ZBED6: variants seen among roughly 807,000 people sequenced by gnomAD.
ZBED6 encodes the protein zinc finger BED-type containing 6.
In ZBED6, 40 loss-of-function variants were observed where a neutral mutation model predicts 58.4. The ratio of observed to expected loss-of-function variants is 0.68; its 90% CI spans 0.53 to 0.89. The LOEUF (loss-of-function observed/expected upper bound fraction) is 0.89, where lower values mean the gene tolerates loss of function less well. Among genes scored for constraint, ZBED6 ranks in the 40% least tolerant of loss-of-function variants. The pLI is 0.00. For missense variants in ZBED6, 1,057 were observed against 1,003.9 expected (o/e 1.05, Z -0.71); for synonymous variants, 439 against 350.6 (o/e 1.25, Z -2.82).
At chr1:203,807,602 C>T (rs938586517) in intron 1 of ZBED6, among the ~76,000 whole-genome samples, 27 of 151,216 alleles carry the variant, frequency 1.8e-4, no homozygotes, top group Non-Finnish European at 4.0e-4. Flanking sequence ...TCATAGCTCA[C>T]TGCAGTCTCA....
intron 14 of ZBED6, 38 bp from the exon 15 acceptor site, chr1:203,850,477 A>C (rs187307997): frequency 1.2e-6 from 2 of 1,612,018 alleles, no homozygotes; most frequent in Non-Finnish European, 1.7e-6. Context: ...AAAAGAGTCT[A>C]TTCTCACTGC....
chr1:203,809,172 G>GTTTT lies in ZBED6; in HGVS notation c.*2554+6174_*2554+6177dup, dbSNP rs33926996. On this transcript the variant is annotated intron_variant, in intron 1 of 16. Transcript: ENST00000550078. ...TTTGAAGCTTTGTTTTCTTCTCACT[G>GTTTT]TTTTTTTTTTTTTTTTTTTTTGAGA... Among the ~76,000 whole-genome samples the GTTTT allele has an allele frequency of 4.9e-3, 409 of 83,242 alleles. 19 individuals are homozygous for GTTTT. The highest frequency in any genetic ancestry group is 0.026 in the East Asian group (64 of 2,496). The allele number at this position is 83,242 out of a possible 152,430, so 54.6% of individuals were successfully genotyped here.
At chr1:203,832,959 C>T (rs545231016) in intron 8 of ZBED6, among the ~76,000 whole-genome samples, 3 of 152,274 alleles carry the variant, frequency 2.0e-5, no homozygotes, top group South Asian at 2.1e-4. Flanking sequence ...CTAGGCTGTG[C>T]GCAGTGGCTT....
intron 3 of ZBED6, among the ~76,000 whole-genome samples, chr1:203,823,187 A>G (rs1484057979): frequency 1.3e-5 from 2 of 152,160 alleles, no homozygotes; most frequent in African/African-American, 4.8e-5. Flanking sequence ...ATTCTCTAGG[A>G]TGTATTCAGA....
chr1:203,828,196 C>T (rs1202265880), intron 3 of ZBED6, 103 bp from the exon 4 acceptor site: 3 of 1,384,316 alleles, frequency 2.2e-6, no homozygotes, highest in East Asian at 2.4e-5. Flanking sequence ...TCACATGCCT[C>T]GGATTTTTGA....
At chr1:203,826,508 A>C (rs773895076) in intron 3 of ZBED6, among the ~76,000 whole-genome samples, 4 of 152,154 alleles carry the variant, frequency 2.6e-5, no homozygotes, top group Non-Finnish European at 5.9e-5. Flanking sequence ...GAGCAAATTT[A>C]CATTTCCATT....
chr1:203,828,399 G>C, exon 4 of ZBED6: 3 of 1,613,308 alleles, frequency 1.9e-6, no homozygotes, highest in Non-Finnish European at 2.5e-6. Context: ...TATGTTGATG[G>C]CCTTTTCCTA....
chr1:203,842,504 A>G (rs1314923501), intron 11 of ZBED6, among the ~76,000 whole-genome samples: 2 of 150,298 alleles, frequency 1.3e-5, no homozygotes, highest in Non-Finnish European at 3.0e-5. Context: ...AGGCTGAGGC[A>G]GGAGAATCAG....
At chr1:203,805,360 T>G (rs1671970050) in intron 1 of ZBED6, among the ~76,000 whole-genome samples, 1 of 152,074 alleles carries the variant, frequency 6.6e-6, no homozygotes, top group Non-Finnish European at 1.5e-5. Context: ...CTCGAACTTC[T>G]GACCTTGTGA....
At chr1:203,847,104 T>C in intron 11 of ZBED6, 80 bp from the exon 12 acceptor site, 1 of 1,489,782 alleles carries the variant, frequency 6.7e-7, no homozygotes, top group Non-Finnish European at 9.2e-7. Flanking sequence ...TGGACTGTCT[T>C]GATCCAAGAA....
intron 9 of ZBED6, 112 bp downstream of exon 9, chr1:203,833,965 C>CTT: frequency 7.1e-7 from 1 of 1,406,074 alleles, no homozygotes; most frequent in Admixed American, 2.7e-5. Flanking sequence ...CCTGTATTGG[C>CTT]TGAAAGCACT....
At chr1:203,798,533 T>A in exon 1 of ZBED6, 1 of 1,536,132 alleles carries the variant, frequency 6.5e-7, no homozygotes, top group Non-Finnish European at 8.7e-7. Context: ...AAGCTGAGAC[T>A]GAGAGAAGTG....
At chr1:203,850,974 C>G (rs1689106081) in intron 15 of ZBED6, 83 bp from the exon 16 acceptor site, 1 of 1,491,638 alleles carries the variant, frequency 6.7e-7, no homozygotes, top group Non-Finnish European at 9.3e-7. Flanking sequence ...AGCCACAATT[C>G]TAAGAAGGCA....
At chr1:203,813,971 GTT>G (rs34130261) in intron 1 of ZBED6, among the ~76,000 whole-genome samples, 42 of 146,078 alleles carry the variant, frequency 2.9e-4, no homozygotes, top group South Asian at 6.6e-4. Context: ...ATACATTCTT[GTT>G]TTTTTTTTTT....
At chr1:203,822,496 G>A (rs1679112406) in intron 3 of ZBED6, among the ~76,000 whole-genome samples, 1 of 151,908 alleles carries the variant, frequency 6.6e-6, no homozygotes, top group African/African-American at 2.4e-5. Context: ...TGTGCTGAGC[G>A]GCCCTCACAT....
chr1:203,824,317 T>G (rs1297571934), intron 3 of ZBED6, among the ~76,000 whole-genome samples: 1 of 152,012 alleles, frequency 6.6e-6, no homozygotes, highest in Admixed American at 6.6e-5. Context: ...TATTTGTTTT[T>G]CACTTGCATA....
exon 1 of ZBED6, chr1:203,797,420 A>G: frequency 8.7e-7 from 1 of 1,149,426 alleles, no homozygotes; most frequent in South Asian, 1.9e-5. Context: ...TCCCCATAGA[A>G]ACTGGAGAAA....
chr1:203,843,859 TTTC>T (rs1049246045), intron 11 of ZBED6, among the ~76,000 whole-genome samples: 1 of 152,108 alleles, frequency 6.6e-6, no homozygotes, highest in Non-Finnish European at 1.5e-5. Context: ...CGGCCTGGGA[TTTC>T]TTCTTTTTTT....
At chr1:203,848,286 G>T in intron 12 of ZBED6, 45 bp from the exon 13 acceptor site, 2 of 1,489,942 alleles carry the variant, frequency 1.3e-6, no homozygotes, top group Non-Finnish European at 1.8e-6. Flanking sequence ...TCATGAAGTT[G>T]CAGCTTAAAT....
Sources: gnomAD v4.1 joint callset for allele counts (sites outside exome capture counted in the v4.1 genomes callset) on GRCh38, gnomAD v4.1.1 for gene constraint, MANE v1.5 for transcripts, NCBI Gene and HGNC (gene_info 2026-07-23, HGNC 2026-07-21) for gene names.